Variants in CLVS1 observed in about 807,000 individuals in gnomAD.
CLVS1 encodes the protein clavesin-1.
Under a neutral mutation model 33.1 loss-of-function variants are expected in CLVS1, and 10 were observed. The ratio of observed to expected loss-of-function variants is 0.30; its 90% CI spans 0.19 to 0.51. CLVS1 has a LOEUF of 0.51. CLVS1 is among the 20% of genes least tolerant of loss of function. The probability of loss-of-function intolerance (pLI) is 0.97; values close to 1 mark genes in which losing one functional copy is unlikely to be tolerated. For synonymous variants in CLVS1, 163 were observed against 166.1 expected, an observed-to-expected ratio of 0.98 and a Z score of 0.14; for missense variants, 343 against 433.4, an observed-to-expected ratio of 0.79 and a Z score of 1.85.
intron 5 of CLVS1, among the ~76,000 whole-genome samples, chr8:61,466,679 C>G (rs1817556237): frequency 6.6e-6 from 1 of 152,094 alleles, no homozygotes; most frequent in Non-Finnish European, 1.5e-5. Context: ...TGGAGTTTTG[C>G]TCTTGTTGCC....
chr8:61,317,853 C>T (rs1435797904), intron 2 of CLVS1, among the ~76,000 whole-genome samples: 2 of 108,566 alleles, frequency 1.8e-5, no homozygotes, highest in Non-Finnish European at 4.0e-5. Flanking sequence ...CTATTGTTAC[C>T]ATTGTATCAT....
At chr8:61,342,047 G>T (rs976820513) in intron 2 of CLVS1, among the ~76,000 whole-genome samples, 1 of 152,168 alleles carries the variant, frequency 6.6e-6, no homozygotes, top group Non-Finnish European at 1.5e-5. Flanking sequence ...TTCCTGAAGG[G>T]TGTTCACAAG....
intron 5 of CLVS1, among the ~76,000 whole-genome samples, chr8:61,467,272 G>A (rs1817580163): frequency 6.6e-6 from 1 of 152,148 alleles, no homozygotes; most frequent in Non-Finnish European, 1.5e-5. Flanking sequence ...ATAAGTGATG[G>A]CGGGTGCCCT....
chr8:61,420,338 G>A (rs1015541498), intron 3 of CLVS1, among the ~76,000 whole-genome samples: 3 of 152,172 alleles, frequency 2.0e-5, no homozygotes, highest in South Asian at 2.1e-4. Flanking sequence ...GGTGGCTCAC[G>A]CCTGTAATCC....
intron 1 of CLVS1, among the ~76,000 whole-genome samples, chr8:61,288,601 G>A (rs1809863243): frequency 6.6e-6 from 1 of 152,234 alleles, no homozygotes; most frequent in Non-Finnish European, 1.5e-5. Flanking sequence ...CCAGGCACGG[G>A]GACAGATGGG....
At chr8:61,333,742 G>A (rs1811685570) in intron 2 of CLVS1, among the ~76,000 whole-genome samples, 1 of 152,184 alleles carries the variant, frequency 6.6e-6, no homozygotes, top group Admixed American at 6.5e-5. Flanking sequence ...GGCTACGTGT[G>A]TAGGTTTGTT....
At chr8:61,105,439 A>C (rs1446552040) in intron 1 of CLVS1, among the ~76,000 whole-genome samples, 1 of 152,142 alleles carries the variant, frequency 6.6e-6, no homozygotes, top group East Asian at 1.9e-4. Flanking sequence ...AACTTCTTTA[A>C]GCATAAAACT....
chr8:61,120,639 G>T (rs9693106), intron 1 of CLVS1, among the ~76,000 whole-genome samples: 1 of 129,494 alleles, frequency 7.7e-6, no homozygotes, highest in Non-Finnish European at 1.6e-5. Flanking sequence ...GCCGTGTGAG[G>T]TGTCAGTCTG....
intron 5 of CLVS1, among the ~76,000 whole-genome samples, chr8:61,490,145 A>G (rs1277025020): frequency 6.6e-6 from 1 of 151,544 alleles, no homozygotes; most frequent in African/African-American, 2.4e-5. Context: ...GTGAAACCCC[A>G]TCTCTACTAA....
chr8:61,101,399 A>G (rs755413485), intron 1 of CLVS1, among the ~76,000 whole-genome samples: 106 of 152,120 alleles, frequency 7.0e-4, no homozygotes, highest in Non-Finnish European at 1.3e-3. Flanking sequence ...TATGTCTTAC[A>G]TGTGTTTGTA....
intron 2 of CLVS1, among the ~76,000 whole-genome samples, chr8:61,356,366 C>T (rs1317048106): frequency 6.6e-6 from 1 of 151,940 alleles, no homozygotes; most frequent in Non-Finnish European, 1.5e-5. Context: ...TTGTAGGTTG[C>T]CTGTTCACTC....
rs1278215065 is a variant in CLVS1, at chr8:61,501,456, T to C, written c.*1914T>C. 1 of 152,144 alleles carries C rather than the reference T, an allele frequency of 6.6e-6. No individual in the cohort carries two copies. The highest frequency in any genetic ancestry group is 6.6e-5 in the Admixed American group (1 of 15,266). The allele number at this position is 152,144 out of a possible 1,614,324, so 9.4% of individuals were successfully genotyped here. A position where few individuals can be genotyped will look rare whatever the true frequency, so the allele number is the denominator to read the frequency against. Reference sequence around the variant, plus strand: ...TACTCTCTTCCATAATTTCATTACATGAATGTAAGATGATGGCTCAAAAAT... The same window carrying C: ...TACTCTCTTCCATAATTTCATTACACGAATGTAAGATGATGGCTCAAAAAT... On this transcript the variant is annotated 3_prime_UTR_variant, in exon 6 of 6. Coordinates refer to ENST00000325897, the MANE Select transcript of CLVS1 (RefSeq NM_173519.3).
Position 61,376,638 on chromosome 8 carries a change from G to A in CLVS1, c.489G>A (p.Leu163=). The A allele has an allele frequency of 6.2e-7, 1 of 1,614,046 alleles. No homozygotes were observed. The highest frequency in any genetic ancestry group is 1.1e-5 in the South Asian group (1 of 91,064). Residue 163 remains leucine (L), a synonymous_variant, in exon 3 of 6, where the codon CTG becomes CTA. Transcript: ENST00000325897. Reference sequence around the variant, plus strand: ...TCACAGACATCCTTCGTGCCATCCTGCTGTCATTGGAAGTCCTAATCGAAG... The same window carrying A: ...TCACAGACATCCTTCGTGCCATCCTACTGTCATTGGAAGTCCTAATCGAAG... ...NSFTDILRAI[L]LSLEVLIEDP... is the part of the protein sequence containing the mutation.
chr8:61,201,583 C>G (rs1259509050), intron 2 of CLVS1, among the ~76,000 whole-genome samples: 1 of 152,126 alleles, frequency 6.6e-6, no homozygotes, highest in East Asian at 1.9e-4. Flanking sequence ...AAATAAAAGG[C>G]TGATTTGGTC....
chr8:61,286,317 C>A (rs368934607), upstream of CLVS1, among the ~76,000 whole-genome samples: 42 of 152,198 alleles, frequency 2.8e-4, 2 homozygotes, highest in East Asian at 5.8e-3. Flanking sequence ...GATGATCAGC[C>A]AATATTTCTG....
the CLVS1 span, among the ~76,000 whole-genome samples, chr8:60,992,766 C>A: frequency 3.9e-5 from 6 of 152,116 alleles, no homozygotes; most frequent in Non-Finnish European, 8.8e-5. Context: ...AACTAAAGAT[C>A]TTGTCAGGCT....
intron 1 of CLVS1, among the ~76,000 whole-genome samples, chr8:61,288,637 C>T (rs1809863959): frequency 6.6e-6 from 1 of 152,182 alleles, no homozygotes; most frequent in African/African-American, 2.4e-5. Flanking sequence ...CAGCAGTTAG[C>T]CAGCTGCCTT....
At chr8:61,220,544 C>T (rs551578552) in intron 2 of CLVS1, among the ~76,000 whole-genome samples, 10 of 151,682 alleles carry the variant, frequency 6.6e-5, no homozygotes, top group African/African-American at 1.9e-4. Flanking sequence ...CAGTACCATG[C>T]TGTTTTGATT....
rs56873060 is a variant in CLVS1, at chr8:61,446,828, G to GT, written c.631-7299dup. Among the ~76,000 whole-genome samples the GT allele has an allele frequency of 4.7e-3, 654 of 138,108 alleles. 2 individuals carry two copies. The highest frequency in any genetic ancestry group is 0.018 in the South Asian group (78 of 4,246). The allele number at this position is 138,108 out of a possible 152,430, so 90.6% of individuals were successfully genotyped here. On this transcript the variant is annotated intron_variant, in intron 3 of 5. Coordinates refer to ENST00000325897, the MANE Select transcript of CLVS1 (RefSeq NM_173519.3). ...ATGTATTTTAAAATTTCTTTTGAAG[G>GT]TTTTTTTTTTTTTTGGCCCATCCAT...
Sources: allele counts gnomAD v4.1 joint callset (sites outside exome capture counted in the v4.1 genomes callset), GRCh38; gene constraint gnomAD v4.1.1; transcripts MANE v1.5; gene names NCBI Gene and HGNC (gene_info 2026-07-23, HGNC 2026-07-21).